The following VTI1A variants were observed in gnomAD, a reference collection of about 807,000 sequenced individuals.
VTI1A encodes the protein vesicle transport through interaction with t-SNAREs homolog 1A.
In VTI1A, 22 loss-of-function variants were observed where a neutral mutation model predicts 34.9. The ratio of observed to expected loss-of-function variants is 0.63; its 90% CI spans 0.45 to 0.90. VTI1A has a LOEUF of 0.90. VTI1A is among the 40% of genes least tolerant of loss of function. VTI1A has a pLI of 0.00. For synonymous variants in VTI1A, 87 were observed against 97.3 expected, an observed-to-expected ratio of 0.89 and a Z score of 0.62; for missense variants, 268 against 275.6, an observed-to-expected ratio of 0.97 and a Z score of 0.20.
the VTI1A span, among the ~76,000 whole-genome samples, chr10:112,842,365 G>C: frequency 1.3e-5 from 2 of 152,118 alleles, no homozygotes; most frequent in African/African-American, 4.8e-5. Context: ...TTACAGCCAG[G>C]TGTTTACTAG....
intron 5 of VTI1A, among the ~76,000 whole-genome samples, chr10:112,644,206 T>C (rs994268512): frequency 2.0e-5 from 3 of 152,206 alleles, no homozygotes; most frequent in African/African-American, 7.2e-5. Flanking sequence ...AGTAGGAGTA[T>C]TTTAATTCTT....
At chr10:112,683,998 G>C (rs547289552) in intron 7 of VTI1A, among the ~76,000 whole-genome samples, 1 of 151,404 alleles carries the variant, frequency 6.6e-6, no homozygotes, top group Non-Finnish European at 1.5e-5. Flanking sequence ...AGCTGAGATC[G>C]TGCCACTGCA....
intron 7 of VTI1A, among the ~76,000 whole-genome samples, chr10:112,700,411 C>A (rs1848970416): frequency 6.6e-6 from 1 of 152,134 alleles, no homozygotes; most frequent in Non-Finnish European, 1.5e-5. Flanking sequence ...AAAATAACTC[C>A]AATCTATTGA....
intron 5 of VTI1A, among the ~76,000 whole-genome samples, chr10:112,574,815 G>A (rs1320574130): frequency 2.0e-5 from 3 of 152,214 alleles, no homozygotes; most frequent in Non-Finnish European, 1.5e-5. Context: ...GTCTAATTAT[G>A]TGTTTACCCA....
chr10:112,641,303 A>G (rs1201405867), intron 5 of VTI1A, among the ~76,000 whole-genome samples: 1 of 152,046 alleles, frequency 6.6e-6, no homozygotes, highest in African/African-American at 2.4e-5. Context: ...CCTCCCTGCT[A>G]CCCCATCCTT....
intron 7 of VTI1A, among the ~76,000 whole-genome samples, chr10:112,699,513 T>C (rs1414321786): frequency 6.6e-6 from 1 of 152,240 alleles, no homozygotes; most frequent in Non-Finnish European, 1.5e-5. Flanking sequence ...AAATGTGTTT[T>C]AGCCATCTTT....
chr10:112,664,102 T>C (rs571554207), intron 5 of VTI1A, among the ~76,000 whole-genome samples: 1 of 152,358 alleles, frequency 6.6e-6, no homozygotes, highest in African/African-American at 2.4e-5. Context: ...TTTCACTTTT[T>C]AAAATAATTC....
chr10:112,527,384 A>T, intron 4 of VTI1A: 1 of 381,306 alleles, frequency 2.6e-6, no homozygotes. Flanking sequence ...TCTTTTAAAA[A>T]AATCTTTTCT....
intron 3 of VTI1A, among the ~76,000 whole-genome samples, chr10:112,522,227 CT>C (rs1403790179): frequency 6.6e-6 from 1 of 152,004 alleles, no homozygotes; most frequent in Non-Finnish European, 1.5e-5. Context: ...GATGTATCAC[CT>C]GGTAACCTTG....
At chr10:112,753,067 G>A (rs956285751) in intron 7 of VTI1A, among the ~76,000 whole-genome samples, 1 of 151,558 alleles carries the variant, frequency 6.6e-6, no homozygotes, top group Non-Finnish European at 1.5e-5. Context: ...TTATACATTG[G>A]AAAAAAATTA....
intron 7 of VTI1A, among the ~76,000 whole-genome samples, chr10:112,749,572 G>C (rs933404930): frequency 6.6e-6 from 1 of 152,176 alleles, no homozygotes; most frequent in Non-Finnish European, 1.5e-5. Flanking sequence ...GCAGTCCTTC[G>C]TATTGCCTGT....
intron 5 of VTI1A, among the ~76,000 whole-genome samples, chr10:112,544,240 A>G (rs1850987553): frequency 6.6e-6 from 1 of 152,052 alleles, no homozygotes; most frequent in Non-Finnish European, 1.5e-5. Flanking sequence ...CTTGATGGGG[A>G]TGGCATTTGA....
At chr10:112,557,636 G>A (rs1303328931) in intron 5 of VTI1A, among the ~76,000 whole-genome samples, 1 of 152,140 alleles carries the variant, frequency 6.6e-6, no homozygotes, top group African/African-American at 2.4e-5. Flanking sequence ...TATATATGGT[G>A]GGAGGAACAA....
chr10:112,564,360 T>C (rs1423448204), intron 5 of VTI1A, among the ~76,000 whole-genome samples: 1 of 152,070 alleles, frequency 6.6e-6, no homozygotes, highest in Non-Finnish European at 1.5e-5. Flanking sequence ...TTCCGTGTAT[T>C]GTGCTTGTCT....
At chr10:112,852,597 G>A in the VTI1A span, among the ~76,000 whole-genome samples, 13 of 152,338 alleles carry the variant, frequency 8.5e-5, no homozygotes, top group African/African-American at 2.6e-4. Flanking sequence ...TGGGCTTTGG[G>A]TCACTGACCT....
chr10:112,633,647 A>G (rs1329389465), intron 5 of VTI1A, among the ~76,000 whole-genome samples: 1 of 152,330 alleles, frequency 6.6e-6, no homozygotes, highest in South Asian at 2.1e-4. Context: ...AATGTCTCCC[A>G]TGCAGAGAAG....
At chr10:112,613,243 T>C (rs1845386957) in intron 5 of VTI1A, among the ~76,000 whole-genome samples, 1 of 152,178 alleles carries the variant, frequency 6.6e-6, no homozygotes, top group South Asian at 2.1e-4. Context: ...AAAAAGTTGG[T>C]CTTTTTAAAA....
At chr10:112,842,556 G>C in the VTI1A span, among the ~76,000 whole-genome samples, 1 of 152,238 alleles carries the variant, frequency 6.6e-6, no homozygotes, top group East Asian at 1.9e-4. Flanking sequence ...CTCCTCTCTG[G>C]GCCTCAGTTT....
chr10:112,848,165 G>A, the VTI1A span, among the ~76,000 whole-genome samples: 2 of 152,296 alleles, frequency 1.3e-5, no homozygotes, highest in African/African-American at 2.4e-5. Flanking sequence ...CAGCTTCTTG[G>A]CCAGCTCTCC....
Sources: gnomAD v4.1 joint callset for allele counts (sites outside exome capture counted in the v4.1 genomes callset) on GRCh38, gnomAD v4.1.1 for gene constraint, MANE v1.5 for transcripts, NCBI Gene and HGNC (gene_info 2026-07-23, HGNC 2026-07-21) for gene names.